TMC2: variants seen among roughly 807,000 people sequenced by gnomAD.
TMC2 encodes transmembrane channel like 2.
A neutral mutation model predicts 105.9 loss-of-function variants in TMC2; 102 were observed. The ratio of observed to expected loss-of-function variants is 0.96; its 90% CI spans 0.82 to 1.14. The LOEUF (loss-of-function observed/expected upper bound fraction) is 1.14. Among genes scored for constraint, TMC2 ranks in the 50% most tolerant of loss-of-function variants. The pLI is 0.00. For synonymous variants in TMC2, 402 were observed against 422.8 expected, an observed-to-expected ratio of 0.95 and a Z score of 0.60; for missense variants, 1,093 against 1,134.3, an observed-to-expected ratio of 0.96 and a Z score of 0.52.
rs2086258926 is a variant in TMC2 at position 2,590,121 on chromosome 20, T to C, written c.835-2189T>C. On this transcript the variant is annotated intron_variant, in intron 7 of 19. Transcript: ENST00000358864. ...AGCTACAAATGTCAATATCAATGAA[T>C]CTCAAAAGTGTAATGTTGTATGAAA... Among the ~76,000 whole-genome samples, 3 of 152,254 alleles carry C rather than the reference T, an allele frequency of 2.0e-5. No homozygotes were observed. The South Asian group carries it at 6.2e-4, about 32-fold the overall frequency.
At position 2,619,737 on chromosome 20, in the gene TMC2, G is replaced by A. The variant is rs1251984447; in HGVS notation, c.2180+2426G>A. ...ATTTAGCCAGGCTGAAAGGAGAACCGAATGGAAGAAGCCTCTGTTGGCTTC... is the reference window on the plus strand; with the variant it reads ...ATTTAGCCAGGCTGAAAGGAGAACCAAATGGAAGAAGCCTCTGTTGGCTTC... On this transcript the variant is annotated intron_variant, in intron 16 of 19. Coordinates refer to ENST00000358864, the MANE Select transcript of TMC2 (RefSeq NM_080751.3). Among the ~76,000 whole-genome samples, 3 of 152,174 alleles carry A rather than the reference G, an allele frequency of 2.0e-5. No individual in the cohort carries two copies. In the East Asian group the frequency reaches 5.8e-4, roughly 29 times the overall value.
chr20:2,539,890 A>C (rs372294405), intron 2 of TMC2, among the ~76,000 whole-genome samples: 4 of 152,110 alleles, frequency 2.6e-5, no homozygotes, highest in South Asian at 4.1e-4. Flanking sequence ...AGGTTGGGGC[A>C]GGAGTGGGCT....
intron 4 of TMC2, 117 bp downstream of exon 4, chr20:2,562,127 C>T (rs907549680): frequency 3.4e-5 from 44 of 1,280,490 alleles, no homozygotes; most frequent in Admixed American, 3.2e-4. Context: ...GCTGCTCCAG[C>T]GAGGACAGCA....
intron 12 of TMC2, among the ~76,000 whole-genome samples, chr20:2,611,853 GAT>G (rs2086441242): frequency 2.4e-5 from 3 of 127,268 alleles, no homozygotes; most frequent in African/African-American, 3.5e-5. Flanking sequence ...TGGATGGATG[GAT>G]GGATGGATGG....
At chr20:2,561,129 C>T (rs1316500480) in intron 3 of TMC2, among the ~76,000 whole-genome samples, 1 of 152,188 alleles carries the variant, frequency 6.6e-6, no homozygotes, top group South Asian at 2.1e-4. Flanking sequence ...TTAATTTGGA[C>T]AGATGTAGTT....
intron 19 of TMC2, 125 bp from the exon 20 acceptor site, chr20:2,641,009 C>T (rs2086684111): frequency 1.5e-5 from 12 of 794,152 alleles, no homozygotes; most frequent in Middle Eastern, 2.4e-4. Flanking sequence ...GAGTGCAATC[C>T]GACAGCTCTC....
chr20:2,589,975 A>G (rs989901984), intron 7 of TMC2, among the ~76,000 whole-genome samples: 3 of 152,172 alleles, frequency 2.0e-5, no homozygotes, highest in African/African-American at 7.2e-5. Context: ...GGCCGGCAGT[A>G]TTGTTTTTAA....
chr20:2,607,082 C>G (rs1272623313), intron 11 of TMC2, among the ~76,000 whole-genome samples: 6 of 151,944 alleles, frequency 3.9e-5, no homozygotes, highest in African/African-American at 1.4e-4. Flanking sequence ...AAAGTTTAAC[C>G]TACTTCTTGT....
At chr20:2,604,579 T>A (rs1259236561) in intron 11 of TMC2, among the ~76,000 whole-genome samples, 2 of 152,058 alleles carry the variant, frequency 1.3e-5, no homozygotes, top group Non-Finnish European at 2.9e-5. Context: ...TGATCAGTGT[T>A]TTTTTTTGTA....
chr20:2,604,149 C>T (rs937528371), intron 11 of TMC2, among the ~76,000 whole-genome samples: 2 of 152,242 alleles, frequency 1.3e-5, no homozygotes, highest in Admixed American at 6.5e-5. Context: ...GAGCTTCCAG[C>T]AGCCACTGCC....
At chr20:2,545,192 G>A (rs1367308570) in intron 2 of TMC2, among the ~76,000 whole-genome samples, 1 of 152,118 alleles carries the variant, frequency 6.6e-6, no homozygotes, top group Non-Finnish European at 1.5e-5. Flanking sequence ...GGGTGGTAGA[G>A]CAAGATTCTG....
intron 17 of TMC2, among the ~76,000 whole-genome samples, chr20:2,633,736 G>T (rs1402317743): frequency 7.0e-6 from 1 of 142,752 alleles, no homozygotes; most frequent in South Asian, 2.4e-4. Context: ...TGGTGCTGTT[G>T]GTTTCCAAAC....
In TMC2 at chr20:2,546,248, C is replaced by T. The variant is rs114204823; in HGVS notation, c.82+8932C>T. Among the ~76,000 whole-genome samples the T allele has an allele frequency of 2.7e-3, 411 of 152,134 alleles. 3 individuals carry two copies. The highest frequency in any genetic ancestry group is 9.1e-3 in the African/African-American group (376 of 41,480). On this transcript the variant is annotated intron_variant, in intron 2 of 19. Coordinates refer to ENST00000358864, the MANE Select transcript of TMC2 (RefSeq NM_080751.3). ...CTGATTTCTTAAAAGGAACTGGAAC[C>T]GAATGAAACTGGGTAGCTCCTGAAG...
chr20:2,595,082 A>G, intron 9 of TMC2, 115 bp downstream of exon 9: 1 of 1,168,898 alleles, frequency 8.6e-7, no homozygotes, highest in East Asian at 2.3e-5. Flanking sequence ...ACAGGAAATG[A>G]GCACAGAAAG....
At chr20:2,569,908 C>T (rs1345470394) in intron 4 of TMC2, among the ~76,000 whole-genome samples, 1 of 152,206 alleles carries the variant, frequency 6.6e-6, no homozygotes, top group Non-Finnish European at 1.5e-5. Context: ...AATATTCCTG[C>T]TCCACGTTTG....
chr20:2,614,235 G>A (rs1039554190), intron 14 of TMC2, among the ~76,000 whole-genome samples: 4 of 152,158 alleles, frequency 2.6e-5, no homozygotes, highest in Non-Finnish European at 5.9e-5. Flanking sequence ...TTGTTTGTAA[G>A]ATCACCACGA....
chr20:2,566,277 C>T (rs57833981), intron 4 of TMC2, among the ~76,000 whole-genome samples: 4,643 of 152,228 alleles, frequency 0.031, 108 homozygotes, highest in African/African-American at 0.061. Context: ...TTATTAAGTG[C>T]CCAGCATATA....
chr20:2,609,936 C>T (rs2086422715), intron 11 of TMC2, among the ~76,000 whole-genome samples: 1 of 152,182 alleles, frequency 6.6e-6, no homozygotes, highest in Non-Finnish European at 1.5e-5. Flanking sequence ...TAACCTCCGC[C>T]TCCAGGGTTC....
intron 10 of TMC2, among the ~76,000 whole-genome samples, chr20:2,599,220 A>G (rs2086331639): frequency 6.6e-6 from 1 of 151,440 alleles, no homozygotes; most frequent in African/African-American, 2.4e-5. Flanking sequence ...GAGAGCCAAG[A>G]TCGCACCACG....
Sources: gnomAD v4.1 joint callset for allele counts (sites outside exome capture counted in the v4.1 genomes callset) on GRCh38, gnomAD v4.1.1 for gene constraint, MANE v1.5 for transcripts, NCBI Gene and HGNC (gene_info 2026-07-23, HGNC 2026-07-21) for gene names.